Variants in WDR41 observed in about 807,000 individuals in gnomAD.
The protein encoded by WDR41 is WD repeat-containing protein 41.
A neutral mutation model predicts 69.3 loss-of-function variants in WDR41; 63 were observed. That is an observed-to-expected ratio of 0.91 (90% CI 0.74 to 1.12). The LOEUF is 1.12. Ranked by LOEUF, WDR41 falls within the 50% of genes most tolerant of loss-of-function variation. The pLI is 0.00. For synonymous variants in WDR41, 185 were observed against 192.1 expected (o/e 0.96, Z 0.31); for missense variants, 543 against 534.5 (o/e 1.02, Z -0.16).
intron 1 of WDR41, among the ~76,000 whole-genome samples, chr5:77,578,943 A>G (rs142964450): frequency 1.1e-3 from 174 of 151,868 alleles, no homozygotes; most frequent in African/African-American, 3.9e-3. Flanking sequence ...CAATAAAGAG[A>G]TAGAAACTAT....
Position 77,432,285 on chromosome 5 carries a change from A to G in WDR41, c.*850T>C, listed in dbSNP as rs1442633368. On this transcript the variant is annotated 3_prime_UTR_variant, in exon 13 of 13. Transcript: ENST00000296679. ...CATTTTTTAGCACCAAAAGGAGAAA[A>G]CATATTGTTACAAGGCTGGTTATAG... 6.6e-6 allele frequency: 1 copy of G among 152,196 alleles called. No homozygotes were observed. The highest frequency in any genetic ancestry group is 1.5e-5 in the Non-Finnish European group (1 of 68,032). 9.4% of individuals were successfully genotyped at this position (152,196 alleles called of 1,614,324 possible).
chr5:77,464,806 A>G lies in WDR41; in HGVS notation c.171T>C (p.Phe57=). The change falls in exon 3 of 13, where the codon TTT becomes TTC. Residue 57 remains phenylalanine, a synonymous_variant. Transcript: ENST00000296679. The part of the protein sequence containing the change: ...RFLVQLDDYR[F]ASAGDDGIVV... Reference sequence around the variant, plus strand: ...CAATTCCATCATCACCAGCAGATGCAAATCTGGTTAGGGAGAAAGGGTCAA... The same window carrying G: ...CAATTCCATCATCACCAGCAGATGCGAATCTGGTTAGGGAGAAAGGGTCAA... The G allele has an allele frequency of 6.2e-7, 1 of 1,609,366 alleles. No individual in the cohort carries two copies. Among genetic ancestry groups the G allele is most frequent in the Non-Finnish European group, 8.5e-7 (1 of 1,178,926 alleles).
chr5:77,506,968 T>A lies in WDR41; in HGVS notation c.43-17396A>T, dbSNP rs190155615. On this transcript the variant is annotated intron_variant, in intron 1 of 5. Coordinates refer to the WDR41 transcript ENST00000509971. Reference sequence around the variant, plus strand: ...AGTTGTTGGGTGCAGCAAACCAACATGGCACATGTATACCTGTGTATCAAA... The same window carrying A: ...AGTTGTTGGGTGCAGCAAACCAACAAGGCACATGTATACCTGTGTATCAAA... Among the ~76,000 whole-genome samples the A allele has an allele frequency of 1.0e-3, 158 of 152,304 alleles. 1 individual carries two copies. The highest frequency in any genetic ancestry group is 3.6e-3 in the African/African-American group (150 of 41,576).
At chr5:77,558,094 T>TAAAAAAAAAAAAAAAAAAAA (rs71608105) in intron 1 of WDR41, among the ~76,000 whole-genome samples, 1 of 104,304 alleles carries the variant, frequency 9.6e-6, no homozygotes, top group African/African-American at 3.6e-5. Flanking sequence ...ATGTTCTTTT[T>TAAAAAAAAAAAAAAAAAAAA]AAAAAAAAAA....
At chr5:77,447,993 G>T (rs1799457135) in intron 8 of WDR41, among the ~76,000 whole-genome samples, 1 of 151,978 alleles carries the variant, frequency 6.6e-6, no homozygotes, top group African/African-American at 2.4e-5. Flanking sequence ...TACGAATTTG[G>T]CAAATGAATA....
At chr5:77,438,498 T>A in intron 9 of WDR41, 137 bp from the exon 10 acceptor site, 1 of 1,264,130 alleles carries the variant, frequency 7.9e-7, no homozygotes, top group Non-Finnish European at 1.1e-6. Flanking sequence ...ATTACAGTAC[T>A]AATCTCTGAA....
At chr5:77,558,108 A>C (rs548754539) in intron 1 of WDR41, among the ~76,000 whole-genome samples, 62 of 149,842 alleles carry the variant, frequency 4.1e-4, no homozygotes, top group Non-Finnish European at 7.4e-4. Flanking sequence ...AAAAAAAAAA[A>C]AAAAAAAACA....
chr5:77,435,374 G>C (rs1228519711), intron 12 of WDR41, among the ~76,000 whole-genome samples: 1 of 152,156 alleles, frequency 6.6e-6, no homozygotes, highest in Non-Finnish European at 1.5e-5. Context: ...GCAGCCTAGG[G>C]TAACAGCCTA....
At position 77,597,995 on chromosome 5, in the gene WDR41, G is replaced by T. The variant is rs1429786566; in HGVS notation, c.42+22484C>A. On this transcript the variant is annotated intron_variant, in intron 1 of 5. Transcript: ENST00000509971. ...CAGCAATTACCACTGAAATGAAATT[G>T]GGCAGTGACTTAACCTCTCAGATAA... Among the ~76,000 whole-genome samples the T allele has an allele frequency of 2.6e-5, 4 of 152,144 alleles. No homozygotes were observed. In the East Asian group the frequency reaches 7.7e-4, roughly 29 times the overall value.
chr5:77,471,975 G>C (rs943929806), intron 2 of WDR41, among the ~76,000 whole-genome samples: 1 of 152,166 alleles, frequency 6.6e-6, no homozygotes, highest in African/African-American at 2.4e-5. Context: ...AACCAAAAAA[G>C]AGAATTTTAG....
At chr5:77,607,789 T>A (rs1336198580) in intron 1 of WDR41, among the ~76,000 whole-genome samples, 2 of 152,240 alleles carry the variant, frequency 1.3e-5, no homozygotes, top group Admixed American at 6.5e-5. Flanking sequence ...AAGTAGCATA[T>A]AAGTGGATTT....
At chr5:77,500,088 A>C (rs1801994624) in intron 1 of WDR41, among the ~76,000 whole-genome samples, 1 of 152,242 alleles carries the variant, frequency 6.6e-6, no homozygotes, top group African/African-American at 2.4e-5. Context: ...CTTAGCTCAC[A>C]TGGAAAAATA....
chr5:77,516,742 G>T (rs1244755557), intron 1 of WDR41, among the ~76,000 whole-genome samples: 1 of 152,130 alleles, frequency 6.6e-6, no homozygotes, highest in African/African-American at 2.4e-5. Flanking sequence ...TTTCCAGCTG[G>T]GTGCAGTGGC....
chr5:77,594,506 T>C (rs1262026817), intron 1 of WDR41, among the ~76,000 whole-genome samples: 2 of 152,152 alleles, frequency 1.3e-5, no homozygotes. Context: ...ATGTCTGTGA[T>C]CCATGATTTT....
Position 77,478,180 on chromosome 5 carries a change from T to A in WDR41, c.167+11277A>T, listed in dbSNP as rs1359673617. The stretch of plus-strand genomic sequence containing the variant: ...ACAGGATCTGAAATTGTGGCAATAA[T>A]CAATAGTTTACCAACCAAAAAGAGT... On this transcript the variant is annotated intron_variant, in intron 2 of 12. Transcript: ENST00000296679. Among the ~76,000 whole-genome samples the A allele has an allele frequency of 3.9e-5, 6 of 152,272 alleles. No individual in the cohort carries two copies. The East Asian group carries it at 5.8e-4, about 15-fold the overall frequency.
chr5:77,613,583 G>T (rs1182454379), intron 1 of WDR41, among the ~76,000 whole-genome samples: 1 of 152,136 alleles, frequency 6.6e-6, no homozygotes, highest in African/African-American at 2.4e-5. Flanking sequence ...GGGAAAACTG[G>T]CTAGCCATAT....
At chr5:77,459,262 C>T in intron 4 of WDR41, 138 bp from the exon 5 acceptor site, 1 of 593,708 alleles carries the variant, frequency 1.7e-6, no homozygotes, top group Admixed American at 3.3e-5. Context: ...GTGTTTATAC[C>T]ACCACAAAAA....
chr5:77,602,401 A>G (rs917808446), intron 1 of WDR41, among the ~76,000 whole-genome samples: 3 of 152,118 alleles, frequency 2.0e-5, no homozygotes, highest in Non-Finnish European at 4.4e-5. Flanking sequence ...CGGCCTCCCA[A>G]AGGGCTCAGA....
intron 1 of WDR41, among the ~76,000 whole-genome samples, chr5:77,525,349 C>A (rs560583114): frequency 3.9e-5 from 6 of 152,220 alleles, no homozygotes; most frequent in African/African-American, 1.4e-4. Flanking sequence ...ATTTTGTATG[C>A]CCCTTCACAT....
Sources: gnomAD v4.1 joint callset for allele counts (sites outside exome capture counted in the v4.1 genomes callset) on GRCh38, gnomAD v4.1.1 for gene constraint, MANE v1.5 for transcripts, NCBI Gene and HGNC (gene_info 2026-07-23, HGNC 2026-07-21) for gene names.